Variants in PHAF1 observed in about 807,000 individuals in gnomAD.
PHAF1 encodes the protein phagophore assembly factor 1.
A neutral mutation model predicts 63.1 loss-of-function variants in PHAF1; 23 were observed. The ratio of observed to expected loss-of-function variants is 0.36; its 90% CI spans 0.26 to 0.52. The LOEUF is 0.52. Ranked by LOEUF, PHAF1 falls within the 20% of genes least tolerant of loss-of-function variation. PHAF1 has a pLI of 0.93. For missense variants in PHAF1, 427 were observed against 517.2 expected, an observed-to-expected ratio of 0.83 and a Z score of 1.69; for synonymous variants, 167 against 185.0, an observed-to-expected ratio of 0.90 and a Z score of 0.79.
At chr16:67,131,469 A>C in intron 4 of PHAF1, 140 bp downstream of exon 4, 1 of 619,612 alleles carries the variant, frequency 1.6e-6, no homozygotes. Flanking sequence ...GGCAACCTTC[A>C]AGCCTGCTCA....
chr16:67,110,101 G>A lies in PHAF1; in HGVS notation c.-75G>A. ...GGCCGGCGGGGGCGGCCTGTCAGCC[G>A]CTGCTTTGTCTCCTTAGCTCGGGTC... is the stretch of plus-strand genomic sequence containing the variant. On this transcript the variant is annotated 5_prime_UTR_variant, in exon 1 of 16. Coordinates refer to ENST00000219139, the MANE Select transcript of PHAF1 (RefSeq NM_025187.5). 1 of 1,485,912 alleles carries A rather than the reference G, an allele frequency of 6.7e-7. No individual in the cohort carries two copies. The highest frequency in any genetic ancestry group is 1.3e-5 in the South Asian group (1 of 79,810). 92.0% of individuals were successfully genotyped at this position (1,485,912 alleles called of 1,614,324 possible). A position where few individuals can be genotyped will look rare whatever the true frequency, so the allele number is the denominator to read the frequency against.
At chr16:67,140,350 C>A (rs1216284067) in intron 9 of PHAF1, among the ~76,000 whole-genome samples, 161 bp from the exon 10 acceptor site, 1 of 152,154 alleles carries the variant, frequency 6.6e-6, no homozygotes, top group East Asian at 1.9e-4. Flanking sequence ...ACAGCTGGCC[C>A]CCTCTCCTCC....
chr16:67,117,436 G>A (rs1233941165), intron 1 of PHAF1, among the ~76,000 whole-genome samples: 1 of 151,628 alleles, frequency 6.6e-6, no homozygotes, highest in Non-Finnish European at 1.5e-5. Flanking sequence ...GGAGGCATAT[G>A]TAAATCTGCT....
At chr16:67,110,518 G>A (rs1962469836) in intron 1 of PHAF1, among the ~76,000 whole-genome samples, 1 of 152,154 alleles carries the variant, frequency 6.6e-6, no homozygotes, top group Non-Finnish European at 1.5e-5. Flanking sequence ...CTAATGCCCG[G>A]CCCTGCTCTT....
At chr16:67,125,409 A>C (rs1963149021) in intron 2 of PHAF1, among the ~76,000 whole-genome samples, 1 of 152,246 alleles carries the variant, frequency 6.6e-6, no homozygotes, top group African/African-American at 2.4e-5. Context: ...TCTCATAATC[A>C]GATCACAATA....
intron 1 of PHAF1, among the ~76,000 whole-genome samples, chr16:67,115,862 A>C (rs1343868900): frequency 6.6e-6 from 1 of 152,068 alleles, no homozygotes; most frequent in East Asian, 1.9e-4. Context: ...CCCTCAAGAA[A>C]CTGGCATGGG....
At chr16:67,111,111 G>A (rs1375065346) in intron 1 of PHAF1, among the ~76,000 whole-genome samples, 2 of 152,188 alleles carry the variant, frequency 1.3e-5, no homozygotes, top group African/African-American at 4.8e-5. Flanking sequence ...ACTGCACCCG[G>A]CCCCGCTTCT....
intron 10 of PHAF1, among the ~76,000 whole-genome samples, chr16:67,143,880 G>C (rs1963895388): frequency 6.6e-6 from 1 of 152,056 alleles, no homozygotes; most frequent in Admixed American, 6.6e-5. Context: ...CCTGAGGTCA[G>C]GAGTTTGAGA....
chr16:67,124,795 C>T (rs755382977), intron 2 of PHAF1, among the ~76,000 whole-genome samples: 1 of 150,818 alleles, frequency 6.6e-6, no homozygotes, highest in Non-Finnish European at 1.5e-5. Context: ...CCCAGCTACT[C>T]GGGAGGCTGA....
Position 67,110,168 on chromosome 16 carries a change from C to G in PHAF1, c.-8C>G. On this transcript the variant is annotated 5_prime_UTR_variant, in exon 1 of 16. Coordinates refer to ENST00000219139, the MANE Select transcript of PHAF1 (RefSeq NM_025187.5). ...AGGGAGGCCGCCCGGGCCAGGCGAG[C>G]CGAACCAATGCTGGACCTGGAGGTA... is the stretch of plus-strand genomic sequence containing the variant. 1.9e-6 allele frequency: 3 copies of G among 1,551,616 alleles called. No homozygotes were observed. The highest frequency in any genetic ancestry group is 2.6e-6 in the Non-Finnish European group (3 of 1,147,414).
intron 8 of PHAF1, among the ~76,000 whole-genome samples, chr16:67,136,970 C>T (rs868615696): frequency 2.0e-5 from 3 of 152,052 alleles, no homozygotes; most frequent in South Asian, 2.1e-4. Context: ...TCCTGACTAA[C>T]GGTGAAACCC....
chr16:67,119,945 T>C lies in PHAF1; in HGVS notation c.65-167T>C. ...TCTTAGTGCTTGCTGCTTAACATTA[T>C]TGTAGCTCTTACTGCTTATTGAACT... is the stretch of plus-strand genomic sequence containing the variant. On this transcript the variant is annotated intron_variant, in intron 1 of 15. Coordinates refer to ENST00000219139, the MANE Select transcript of PHAF1 (RefSeq NM_025187.5). 3 of 579,750 alleles carry C rather than the reference T, an allele frequency of 5.2e-6. No individual in the cohort carries two copies. In the South Asian group the frequency reaches 6.5e-5, roughly 13 times the overall value. 35.9% of individuals were successfully genotyped at this position (579,750 alleles called of 1,614,324 possible). A position where few individuals can be genotyped will look rare whatever the true frequency, so the allele number is the denominator to read the frequency against.
In PHAF1 at chr16:67,116,257, T is replaced by A. The variant is rs892076298; in HGVS notation, c.65-3855T>A. ...TATGGAAGGCTGAAAAGTGCTTTTT[T>A]AAAGATTATAAGTCAGCCTTGTGAT... is the stretch of plus-strand genomic sequence containing the variant. On this transcript the variant is annotated intron_variant, in intron 1 of 15. Coordinates refer to ENST00000219139, the MANE Select transcript of PHAF1 (RefSeq NM_025187.5). Among the ~76,000 whole-genome samples, 5 of 152,316 alleles carry A rather than the reference T, an allele frequency of 3.3e-5. No homozygotes were observed. The South Asian group carries it at 6.2e-4, about 19-fold the overall frequency.
Position 67,109,944 on chromosome 16 carries a change from G to A in PHAF1, c.-232G>A, listed in dbSNP as rs1020283332. On this transcript the variant is annotated 5_prime_UTR_variant, in exon 1 of 16. Coordinates refer to ENST00000219139, the MANE Select transcript of PHAF1 (RefSeq NM_025187.5). The stretch of plus-strand genomic sequence containing the variant: ...GGCCCGGCACGCCACTTTTACTGCA[G>A]TCGCGCCCGCCGCCGTCGTTGCCCC... 5 of 525,506 alleles carry A rather than the reference G, an allele frequency of 9.5e-6. No homozygotes were observed. The highest frequency in any genetic ancestry group is 1.7e-5 in the Non-Finnish European group (5 of 299,304). The allele number at this position is 525,506 out of a possible 1,614,324, so 32.6% of individuals were successfully genotyped here.
intron 13 of PHAF1, 42 bp downstream of exon 13, chr16:67,145,461 G>A (rs1317600870): frequency 1.9e-6 from 3 of 1,613,678 alleles, no homozygotes; most frequent in Non-Finnish European, 2.5e-6. Context: ...TGAGAATGAG[G>A]TGGACATGAG....
intron 2 of PHAF1, among the ~76,000 whole-genome samples, chr16:67,122,913 G>C (rs1383585805): frequency 6.6e-6 from 1 of 152,014 alleles, no homozygotes; most frequent in East Asian, 1.9e-4. Context: ...ATTTTTAGCA[G>C]AGATGGGGTT....
chr16:67,110,553 C>T (rs1304345584), intron 1 of PHAF1, among the ~76,000 whole-genome samples: 1 of 152,114 alleles, frequency 6.6e-6, no homozygotes. Flanking sequence ...TCTCTAGTAC[C>T]CCTCGCCGGC....
chr16:67,122,527 T>C (rs1274599761), intron 2 of PHAF1, among the ~76,000 whole-genome samples: 1 of 147,330 alleles, frequency 6.8e-6, no homozygotes, highest in East Asian at 2.0e-4. Flanking sequence ...GGTATGATTG[T>C]ATCACTGCAC....
chr16:67,113,466 T>C (rs1358670745), intron 1 of PHAF1, among the ~76,000 whole-genome samples: 1 of 150,998 alleles, frequency 6.6e-6, no homozygotes, highest in East Asian at 1.9e-4. Flanking sequence ...TTTTTTTTTT[T>C]TGAGACGGTG....
Sources: gnomAD v4.1 joint callset for allele counts (sites outside exome capture counted in the v4.1 genomes callset) on GRCh38, gnomAD v4.1.1 for gene constraint, MANE v1.5 for transcripts, NCBI Gene and HGNC (gene_info 2026-07-23, HGNC 2026-07-21) for gene names.